Variants in TECRL observed in about 807,000 individuals in gnomAD.
The protein encoded by TECRL is trans-2,3-enoyl-CoA reductase-like.
A neutral mutation model predicts 52.8 loss-of-function variants in TECRL; 63 were observed. That is an observed-to-expected ratio of 1.19 (90% CI 0.97 to 1.47). The LOEUF (loss-of-function observed/expected upper bound fraction) is 1.47. Ranked by LOEUF, TECRL falls within the 40% of genes most tolerant of loss-of-function variation. The probability of loss-of-function intolerance (pLI) is 0.00; values close to 1 mark genes in which losing one functional copy is unlikely to be tolerated. For missense variants in TECRL, 482 were observed against 429.6 expected (o/e 1.12, Z -1.08); for synonymous variants, 164 against 141.9 (o/e 1.16, Z -1.10).
rs1721028232 is a variant in TECRL at position 64,359,528 on chromosome 4, C to T, written c.286+15644G>A. On this transcript the variant is annotated intron_variant, in intron 2 of 11. Coordinates refer to ENST00000381210, the MANE Select transcript of TECRL (RefSeq NM_001010874.5). ...CTTGATGATTATTAAAAAAAAAAGT[C>T]CATAATATCAGGCTTGGAAAACATC... 4.0e-5 allele frequency among the ~76,000 whole-genome samples: 6 copies of T among 151,678 alleles called. No homozygotes were observed. In the South Asian group the frequency reaches 1.2e-3, roughly 31 times the overall value.
chr4:64,316,333 T>C (rs1717494038), intron 4 of TECRL, among the ~76,000 whole-genome samples: 1 of 152,120 alleles, frequency 6.6e-6, no homozygotes, highest in East Asian at 1.9e-4. Flanking sequence ...GAGAGCCTAC[T>C]AGTATATAAA....
chr4:64,276,779 G>A (rs1409741085), downstream of TECRL: 2 of 288,940 alleles, frequency 6.9e-6, no homozygotes, highest in Admixed American at 5.1e-5. Flanking sequence ...AGCCAGCAAT[G>A]CAAACTTATT....
At chr4:64,330,392 G>C (rs529302453) in intron 2 of TECRL, among the ~76,000 whole-genome samples, 5 of 152,086 alleles carry the variant, frequency 3.3e-5, no homozygotes, top group African/African-American at 1.2e-4. Flanking sequence ...TTGCACATGT[G>C]GAAATTTAAC....
chr4:64,361,385 G>T (rs1415260134), intron 2 of TECRL, among the ~76,000 whole-genome samples: 1 of 152,008 alleles, frequency 6.6e-6, no homozygotes, highest in Non-Finnish European at 1.5e-5. Context: ...CATATGCATG[G>T]ACCGTCTGCC....
At chr4:64,304,190 G>A (rs1724189030) in intron 7 of TECRL, among the ~76,000 whole-genome samples, 1 of 151,856 alleles carries the variant, frequency 6.6e-6, no homozygotes, top group Non-Finnish European at 1.5e-5. Flanking sequence ...ATACTTCTAT[G>A]TGCTAACGTT....
At chr4:64,277,158 A>C, downstream of TECRL, 1 of 706,426 alleles carries the variant, frequency 1.4e-6, no homozygotes, top group Non-Finnish European at 2.3e-6. Context: ...ATACAAAAAA[A>C]GTATGATGGA....
intron 5 of TECRL, among the ~76,000 whole-genome samples, chr4:64,313,713 C>G (rs978334816): frequency 6.6e-6 from 1 of 150,452 alleles, no homozygotes; most frequent in African/African-American, 2.4e-5. Flanking sequence ...GATCTCCTGA[C>G]CTTGTGATCC....
At chr4:64,398,792 T>C (rs1200214420) in intron 1 of TECRL, among the ~76,000 whole-genome samples, 10 of 152,078 alleles carry the variant, frequency 6.6e-5, no homozygotes, top group Admixed American at 5.9e-4. Flanking sequence ...GAAAGGAAGA[T>C]GAGGGAAAGT....
intron 2 of TECRL, among the ~76,000 whole-genome samples, chr4:64,367,690 T>C (rs1721694333): frequency 6.6e-6 from 1 of 152,092 alleles, no homozygotes; most frequent in Non-Finnish European, 1.5e-5. Flanking sequence ...ATCATAATGA[T>C]CTTTTGTCTA....
At chr4:64,308,917 A>T (rs1724505146) in intron 6 of TECRL, among the ~76,000 whole-genome samples, 1 of 152,218 alleles carries the variant, frequency 6.6e-6, no homozygotes, top group South Asian at 2.1e-4. Context: ...AATAAAACAT[A>T]AATTATCAAT....
rs184111403 is a variant in TECRL, at chr4:64,311,752, G to C, written c.552-1821C>G. 2.1e-4 allele frequency among the ~76,000 whole-genome samples: 32 copies of C among 152,222 alleles called. 1 individual carries two copies. Among genetic ancestry groups the C allele is most frequent in the African/African-American group, 7.7e-4 (32 of 41,538 alleles). ...AAATATTATTATTCTATTTAATGAT[G>C]TTTAACTTCCAAACACTGATTAGTT... On this transcript the variant is annotated intron_variant, in intron 5 of 11. Coordinates refer to ENST00000381210, the MANE Select transcript of TECRL (RefSeq NM_001010874.5).
intron 2 of TECRL, among the ~76,000 whole-genome samples, chr4:64,365,261 A>G (rs1249575505): frequency 2.0e-5 from 3 of 151,808 alleles, no homozygotes; most frequent in African/African-American, 7.2e-5. Flanking sequence ...AATGAAAACC[A>G]TGTTTGCCAA....
chr4:64,359,013 T>A (rs1720982252), intron 2 of TECRL, among the ~76,000 whole-genome samples: 1 of 151,930 alleles, frequency 6.6e-6, no homozygotes. Flanking sequence ...AATAAAGCAT[T>A]TTAAAAGCTC....
intron 6 of TECRL, 85 bp downstream of exon 6, chr4:64,309,741 G>T: frequency 2.3e-6 from 2 of 886,822 alleles, no homozygotes; most frequent in Non-Finnish European, 3.7e-6. Flanking sequence ...TCTAAGTTTC[G>T]GAAGGAAACA....
chr4:64,305,982 T>C (rs1724314143), intron 6 of TECRL, among the ~76,000 whole-genome samples: 1 of 152,164 alleles, frequency 6.6e-6, no homozygotes, highest in Non-Finnish European at 1.5e-5. Context: ...CCATGTTCCT[T>C]ATTCTTCTTG....
intron 9 of TECRL, among the ~76,000 whole-genome samples, chr4:64,287,806 G>T (rs1004848697): frequency 6.6e-6 from 1 of 152,122 alleles, no homozygotes; most frequent in African/African-American, 2.4e-5. Context: ...CTATGGAAAT[G>T]ATGTTAGACA....
chr4:64,322,862 G>A (rs1718004310), intron 3 of TECRL, 70 bp from the exon 4 acceptor site: 11 of 1,138,684 alleles, frequency 9.7e-6, no homozygotes, highest in Non-Finnish European at 1.4e-5. Flanking sequence ...GAATTTCTTA[G>A]TGTAAAATCA....
intron 2 of TECRL, among the ~76,000 whole-genome samples, chr4:64,345,608 A>G (rs1289680434): frequency 6.6e-6 from 1 of 151,070 alleles, no homozygotes; most frequent in East Asian, 2.0e-4. Flanking sequence ...TTAAATGATG[A>G]GTTAATAGGT....
chr4:64,336,791 G>T (rs1209857836), intron 2 of TECRL, among the ~76,000 whole-genome samples: 5 of 152,178 alleles, frequency 3.3e-5, no homozygotes, highest in Non-Finnish European at 4.4e-5. Flanking sequence ...GGAGCAGGTT[G>T]TTCAGTTTCC....
Sources: allele counts gnomAD v4.1 joint callset (sites outside exome capture counted in the v4.1 genomes callset), GRCh38; gene constraint gnomAD v4.1.1; transcripts MANE v1.5; gene names NCBI Gene and HGNC (gene_info 2026-07-23, HGNC 2026-07-21).